TMEM63B: variants seen among roughly 807,000 people sequenced by gnomAD.
The protein encoded by TMEM63B is mechanosensitive cation channel TMEM63B.
A neutral mutation model predicts 102.6 loss-of-function variants in TMEM63B; 23 were observed. The observed-to-expected ratio is 0.22, with a 90% CI of 0.16 to 0.32. The LOEUF (loss-of-function observed/expected upper bound fraction) is 0.32. Ranked by LOEUF, TMEM63B falls within the 10% of genes least tolerant of loss-of-function variation. The probability of loss-of-function intolerance (pLI) is 1.00; values close to 1 mark genes in which losing one functional copy is unlikely to be tolerated. For synonymous variants in TMEM63B, 444 were observed against 437.0 expected (o/e 1.02, Z -0.20); for missense variants, 628 against 1,095.9 (o/e 0.57, Z 6.03).
chr6:44,134,617 C>T lies in TMEM63B; in HGVS notation c.33C>T (p.Thr11=). The T allele has an allele frequency of 6.2e-7, 1 of 1,614,154 alleles. No homozygotes were observed. Among genetic ancestry groups the T allele is most frequent in the East Asian group, 2.2e-5 (1 of 44,892 alleles). The change falls in exon 2 of 24, where the codon ACC becomes ACT. Residue 11 remains threonine (T), a synonymous_variant. Transcript: ENST00000323267. ...CCTTTCTGCTGGCCACACTGGGCAC[C>T]ACAGCCCTCAACAACAGCAACCCCA... MLPFLLATLG[T]TALNNSNPKD...
At chr6:44,130,118 C>G (rs957289251) in intron 1 of TMEM63B, among the ~76,000 whole-genome samples, 1 of 152,212 alleles carries the variant, frequency 6.6e-6, no homozygotes, top group Non-Finnish European at 1.5e-5. Flanking sequence ...TGGCATTTCT[C>G]CAGTGTGGTA....
intron 1 of TMEM63B, among the ~76,000 whole-genome samples, chr6:44,129,184 A>G (rs149222306): frequency 0.016 from 2,377 of 152,194 alleles, 50 homozygotes; most frequent in African/African-American, 0.054. Flanking sequence ...CCTGGCCAAC[A>G]TGGTGAAACC....
chr6:44,137,690 A>ATT (rs34749484), intron 5 of TMEM63B, among the ~76,000 whole-genome samples: 18,060 of 143,700 alleles, frequency 0.13, 1,200 homozygotes, highest in Admixed American at 0.18. Context: ...GAGGGGAGAG[A>ATT]TTTTTTTTTT....
At chr6:44,136,598 C>T (rs1763011447) in intron 5 of TMEM63B, among the ~76,000 whole-genome samples, 159 bp downstream of exon 5, 1 of 152,218 alleles carries the variant, frequency 6.6e-6, no homozygotes, top group Non-Finnish European at 1.5e-5. Flanking sequence ...AGGATGACCC[C>T]CCAGGCCCTG....
intron 21 of TMEM63B, 113 bp downstream of exon 21, chr6:44,153,956 G>A: frequency 1.3e-6 from 2 of 1,562,016 alleles, no homozygotes; most frequent in Non-Finnish European, 1.7e-6. Flanking sequence ...GCCTGGGAGA[G>A]GCTGGGGCCA....
At chr6:44,138,991 G>A (rs932614731) in intron 6 of TMEM63B, 12 of 242,282 alleles carry the variant, frequency 5.0e-5, no homozygotes, top group Non-Finnish European at 9.8e-5. Context: ...GCTTCACTAC[G>A]CCAGGCTCAG....
chr6:44,139,184 C>T (rs1481635093), intron 6 of TMEM63B, among the ~76,000 whole-genome samples: 1 of 151,938 alleles, frequency 6.6e-6, no homozygotes, highest in African/African-American at 2.4e-5. Context: ...TCTCTGCAGT[C>T]TCTTCTTTCT....
At chr6:44,149,675 C>T (rs1766173047) in intron 15 of TMEM63B, among the ~76,000 whole-genome samples, 184 bp from the exon 16 acceptor site, 7 of 152,142 alleles carry the variant, frequency 4.6e-5, no homozygotes. Flanking sequence ...TATTATCCAC[C>T]CTGGGGTTAT....
chr6:44,127,369 G>C (rs1303530534), upstream of TMEM63B: 2 of 150,908 alleles, frequency 1.3e-5, no homozygotes, highest in African/African-American at 4.9e-5. Context: ...GGAAAATCCC[G>C]CCGCGGGCCC....
chr6:44,143,561 G>T (rs1216795664), intron 10 of TMEM63B, among the ~76,000 whole-genome samples: 1 of 124,084 alleles, frequency 8.1e-6, no homozygotes, highest in Admixed American at 8.6e-5. Context: ...TTGAAATCTG[G>T]TGTTTGTTGT....
intron 6 of TMEM63B, chr6:44,138,738 C>CCCCCCCCCCG: frequency 2.5e-6 from 1 of 398,116 alleles, no homozygotes; most frequent in Middle Eastern, 6.6e-4. Flanking sequence ...CCCTGCCGGC[C>CCCCCCCCCCG]CCCCCGCTTC....
intron 1 of TMEM63B, among the ~76,000 whole-genome samples, chr6:44,130,617 T>C (rs1428242009): frequency 6.6e-6 from 1 of 151,366 alleles, no homozygotes; most frequent in African/African-American, 2.4e-5. Flanking sequence ...ATTTTGGTGG[T>C]GGGGGGTATC....
rs1202112254 is a variant in TMEM63B, at chr6:44,150,267, C to T, written c.1564C>T (p.Leu522Phe). The T allele has an allele frequency of 6.2e-7, 1 of 1,614,016 alleles. No homozygotes were observed. ...AACCATGCACAAGTGCTACACTTTC[C>T]TCATCTTCATGGTGCTGCTCCTACC... ...RTTMHKCYTF[L>F]IFMVLLLPSL... The change falls in exon 17 of 24, where the codon CTC becomes TTC. Residue 522 changes from leucine to phenylalanine, a missense_variant. By Grantham distance (22) the Leu-to-Phe change is conservative (BLOSUM62 0). This residue lies in a region of TMEM63B where 61 missense variants were observed against 176.0 expected (regional missense o/e 0.35). Coordinates refer to ENST00000323267, the MANE Select transcript of TMEM63B (RefSeq NM_018426.3). The surrounding 1 kb of genome is among the most constrained non-coding windows in gnomAD (Gnocchi z 4.7).
Position 44,150,017 on chromosome 6 carries a change from C to G in TMEM63B, c.1520+52C>G. ...CTCGCTGTGGCCTGCCCTCAATGACCCATCCTCTCTGGGCAGCACTTTGCC... is the reference window on the plus strand; with the variant it reads ...CTCGCTGTGGCCTGCCCTCAATGACGCATCCTCTCTGGGCAGCACTTTGCC... On this transcript the variant is annotated intron_variant, in intron 16 of 23. Transcript: ENST00000323267. This position sits in a 1 kb window ranked among gnomAD's most constrained non-coding sequence, Gnocchi z 4.7. 2 of 1,549,398 alleles carry G rather than the reference C, an allele frequency of 1.3e-6. No homozygotes were observed. The highest frequency in any genetic ancestry group is 1.8e-6 in the Non-Finnish European group (2 of 1,131,146).
chr6:44,135,278 C>A (rs769548733), intron 3 of TMEM63B, 50 bp from the exon 4 acceptor site: 1 of 1,594,982 alleles, frequency 6.3e-7, no homozygotes, highest in Non-Finnish European at 8.6e-7. Context: ...TCACCTGTCC[C>A]CAGGGACTCT....
Position 44,148,160 on chromosome 6 carries a change from T to C in TMEM63B, c.988-92T>C, listed in dbSNP as rs532322890. On this transcript the variant is annotated intron_variant, in intron 12 of 23. Transcript: ENST00000323267. This position sits in a 1 kb window ranked among gnomAD's most constrained non-coding sequence, Gnocchi z 5.1. ...AATGCTTAGAGGAGCAGTGCCTGGC[T>C]TGTAGGAAGCCCCAAGTCAGCGTGG... The C allele has an allele frequency of 9.7e-6, 15 of 1,553,832 alleles. No individual in the cohort carries two copies. In the South Asian group the frequency reaches 1.7e-4, roughly 18 times the overall value.
Position 44,154,862 on chromosome 6 carries a change from A to G in TMEM63B, c.2478A>G (p.Ile826Met). 1 of 1,588,904 alleles carries G rather than the reference A, an allele frequency of 6.3e-7. No homozygotes were observed. The highest frequency in any genetic ancestry group is 8.6e-7 in the Non-Finnish European group (1 of 1,169,002). The change falls in exon 24 of 24, where the codon ATA becomes ATG. Residue 826 changes from isoleucine (I) to methionine (M), a missense_variant. Physicochemically the swap from Ile to Met is conservative, Grantham distance 10. This residue lies in a region of TMEM63B where 129 missense variants were observed against 153.5 expected (regional missense o/e 0.84). Coordinates refer to ENST00000323267, the MANE Select transcript of TMEM63B (RefSeq NM_018426.3). Reference protein sequence around the residue: ...TDFQSCEDSLIENEIHQ With the variant: ...TDFQSCEDSLMENEIHQ ...TCCAGTCTTGCGAGGACAGCCTCAT[A>G]GAGAATGAGATTCACCAGTAAGGGG...
Position 44,150,700 on chromosome 6 carries a change from C to A in TMEM63B, c.1673+71C>A. ...GGGTATGCTTGAGAGACATTGCCAG[C>A]CCCATGGGAGGGTGCAACAAAGCTT... is the stretch of plus-strand genomic sequence containing the variant. On this transcript the variant is annotated intron_variant, in intron 18 of 23. Transcript: ENST00000323267. The surrounding 1 kb of genome is among the most constrained non-coding windows in gnomAD (Gnocchi z 4.7). 2.0e-6 allele frequency: 3 copies of A among 1,480,766 alleles called. No individual in the cohort carries two copies. Among genetic ancestry groups the A allele is most frequent in the Non-Finnish European group, 2.8e-6 (3 of 1,063,956 alleles). The allele number at this position is 1,480,766 out of a possible 1,614,324, so 91.7% of individuals were successfully genotyped here.
At position 44,150,180 on chromosome 6, in the gene TMEM63B, T is replaced by A. The variant is rs574725730; in HGVS notation, c.1521-44T>A. ...TTGTTGGGGGAGCAAGTCTGGGGCC[T>A]GGGCTCACTTGACCTGTACCGTTCC... On this transcript the variant is annotated intron_variant, in intron 16 of 23. Transcript: ENST00000323267. The surrounding 1 kb of genome is among the most constrained non-coding windows in gnomAD (Gnocchi z 4.7). 2.0e-5 allele frequency: 32 copies of A among 1,576,820 alleles called. No individual in the cohort carries two copies. In the East Asian group the frequency reaches 4.9e-4, roughly 24 times the overall value.
Sources: allele counts gnomAD v4.1 joint callset (sites outside exome capture counted in the v4.1 genomes callset), GRCh38; gene constraint gnomAD v4.1.1; regional missense constraint gnomAD v4.1.1; non-coding constraint Gnocchi (gnomAD v3.1); transcripts MANE v1.5; gene names NCBI Gene and HGNC (gene_info 2026-07-23, HGNC 2026-07-21).